The following PLD1 variants were observed in gnomAD, a reference collection of about 807,000 sequenced individuals.
PLD1 encodes phospholipase D1, also known as choline phosphatase 1.
A neutral mutation model predicts 137.1 loss-of-function variants in PLD1; 112 were observed. The observed-to-expected ratio is 0.82, with a 90% CI of 0.70 to 0.96. The LOEUF is 0.96. Among genes scored for constraint, PLD1 ranks in the 40% least tolerant of loss-of-function variants. The pLI, the probability that PLD1 is intolerant of heterozygous loss-of-function variation, is 0.00. For missense variants in PLD1, 1,321 were observed against 1,342.0 expected (o/e 0.98, Z 0.24); for synonymous variants, 431 against 454.7 (o/e 0.95, Z 0.66).
chr3:171,712,897 G>A (rs1717383309), intron 9 of PLD1, among the ~76,000 whole-genome samples: 2 of 152,140 alleles, frequency 1.3e-5, no homozygotes, highest in Non-Finnish European at 2.9e-5. Flanking sequence ...ATATCATCAG[G>A]AAGGTCAGCA....
At chr3:171,666,360 C>G (rs1189230442) in intron 19 of PLD1, 1 of 152,228 alleles carries the variant, frequency 6.6e-6, no homozygotes, top group Non-Finnish European at 1.5e-5. Context: ...TGCGGGGGAA[C>G]TGCCCTTTAT....
intron 23 of PLD1, among the ~76,000 whole-genome samples, chr3:171,629,576 C>A (rs983226371): frequency 1.3e-5 from 2 of 152,070 alleles, no homozygotes; most frequent in Admixed American, 6.6e-5. Context: ...GCCAAAAGAA[C>A]AAAGCTGGAG....
intron 1 of PLD1, among the ~76,000 whole-genome samples, chr3:171,742,142 C>T (rs907362460): frequency 2.0e-5 from 3 of 152,166 alleles, no homozygotes; most frequent in Admixed American, 6.5e-5. Flanking sequence ...GACCTCAAAG[C>T]CCAGCTACTT....
chr3:171,800,498 C>T (rs1465571054), intron 1 of PLD1, among the ~76,000 whole-genome samples: 3 of 152,228 alleles, frequency 2.0e-5, no homozygotes, highest in South Asian at 4.2e-4. Flanking sequence ...CATGAACCAC[C>T]GTGCCTGGCC....
intron 11 of PLD1, among the ~76,000 whole-genome samples, chr3:171,706,124 G>GTCTATCTATCTA (rs59943551): frequency 0.012 from 1,709 of 146,852 alleles, 14 homozygotes; most frequent in Middle Eastern, 0.021. Context: ...GGGTCAGTCA[G>GTCTATCTATCTA]TCTATCTATC....
At position 171,747,578 on chromosome 3, in the gene PLD1, G is replaced by A. The variant is rs140958257; in HGVS notation, c.-31-9496C>T. Among the ~76,000 whole-genome samples the A allele has an allele frequency of 7.2e-5, 11 of 152,018 alleles. No homozygotes were observed. In the East Asian group the frequency reaches 2.1e-3, roughly 29 times the overall value. ...TTGAGCTAGGATAGTGTTAGAACCAGGATTCCAAAGCCCATGTTTTGTTCA... is the reference window on the plus strand; with the variant it reads ...TTGAGCTAGGATAGTGTTAGAACCAAGATTCCAAAGCCCATGTTTTGTTCA... On this transcript the variant is annotated intron_variant, in intron 1 of 26. Transcript: ENST00000351298.
intron 1 of PLD1, among the ~76,000 whole-genome samples, chr3:171,764,933 GGAAAGAAAGAAAGAAA>G (rs151169443): frequency 0.041 from 973 of 23,626 alleles, 79 homozygotes; most frequent in South Asian, 0.059. Context: ...AGGAAAGAAA[GGAAAGAAAGAAAGAAA>G]GAAAGAAAGA....
intron 16 of PLD1, 59 bp downstream of exon 16, chr3:171,686,626 C>T (rs1714584536): frequency 3.5e-6 from 3 of 861,394 alleles, no homozygotes; most frequent in Admixed American, 2.3e-5. Context: ...GCCCATGCAG[C>T]AGACAACACA....
chr3:171,772,193 A>C (rs1243999026), intron 1 of PLD1, among the ~76,000 whole-genome samples: 1 of 152,198 alleles, frequency 6.6e-6, no homozygotes, highest in Non-Finnish European at 1.5e-5. Context: ...ATTTTCCCCT[A>C]GTTTTCAACT....
chr3:171,778,267 A>G (rs986561891), intron 1 of PLD1, among the ~76,000 whole-genome samples: 2 of 152,240 alleles, frequency 1.3e-5, no homozygotes, highest in African/African-American at 4.8e-5. Flanking sequence ...CAGGCATTCA[A>G]CACGTACTTA....
intron 1 of PLD1, among the ~76,000 whole-genome samples, chr3:171,769,389 C>T (rs1293698691): frequency 6.6e-6 from 1 of 152,150 alleles, no homozygotes; most frequent in East Asian, 1.9e-4. Flanking sequence ...AATCATCAGG[C>T]AGCTACAATC....
chr3:171,681,006 T>C (rs902297007), intron 16 of PLD1, among the ~76,000 whole-genome samples: 1 of 152,200 alleles, frequency 6.6e-6, no homozygotes, highest in African/African-American at 2.4e-5. Context: ...AGAGGTGCAA[T>C]GTCTCAGTCT....
intron 19 of PLD1, among the ~76,000 whole-genome samples, chr3:171,672,144 C>T (rs1324886629): frequency 6.6e-6 from 1 of 152,226 alleles, no homozygotes; most frequent in Non-Finnish European, 1.5e-5. Flanking sequence ...ACTCTTACAG[C>T]ATGCTGGTCC....
At chr3:171,683,909 C>T (rs1714266034) in intron 16 of PLD1, among the ~76,000 whole-genome samples, 1 of 152,148 alleles carries the variant, frequency 6.6e-6, no homozygotes, top group Non-Finnish European at 1.5e-5. Context: ...AATCATTGCC[C>T]AATTCCATAA....
chr3:171,672,809 A>G (rs28668937), intron 19 of PLD1, among the ~76,000 whole-genome samples: 78,890 of 152,074 alleles, frequency 0.52, 21,779 homozygotes, highest in African/African-American at 0.72. Context: ...ACACAACATC[A>G]GTGATGCGGA....
intron 18 of PLD1, 50 bp downstream of exon 18, chr3:171,676,665 A>G: frequency 7.2e-7 from 1 of 1,383,444 alleles, no homozygotes; most frequent in Non-Finnish European, 1.0e-6. Flanking sequence ...TTCTCTAGTT[A>G]GGCCTGCCTC....
intron 6 of PLD1, among the ~76,000 whole-genome samples, chr3:171,726,937 G>C (rs2108244298): frequency 6.6e-6 from 1 of 152,264 alleles, no homozygotes; most frequent in East Asian, 1.9e-4. Context: ...TGGGCTTTGT[G>C]GGCATACATT....
chr3:171,666,235 G>C (rs1712129239), intron 19 of PLD1: 1 of 152,342 alleles, frequency 6.6e-6, no homozygotes, highest in Admixed American at 6.5e-5. Context: ...AATTTATAAA[G>C]GAAAGAGTTT....
intron 19 of PLD1, among the ~76,000 whole-genome samples, chr3:171,665,764 G>C (rs951814234): frequency 6.6e-6 from 1 of 151,912 alleles, no homozygotes; most frequent in African/African-American, 2.4e-5. Flanking sequence ...AAGAAAAAGC[G>C]GAGGGGGCTC....
Sources: allele counts gnomAD v4.1 joint callset (sites outside exome capture counted in the v4.1 genomes callset), GRCh38; gene constraint gnomAD v4.1.1; transcripts MANE v1.5; gene names NCBI Gene and HGNC (gene_info 2026-07-23, HGNC 2026-07-21).